BAHCC1: variants seen among roughly 807,000 people sequenced by gnomAD.
The protein encoded by BAHCC1 is BAH and coiled-coil domain-containing protein 1.
BAHCC1 carries 43 observed loss-of-function variants against 88.2 expected under a neutral mutation model. That is an observed-to-expected ratio of 0.49 (90% CI 0.38 to 0.63). The LOEUF (loss-of-function observed/expected upper bound fraction) is 0.63, where lower values mean the gene tolerates loss of function less well. Among genes scored for constraint, BAHCC1 ranks in the 20% least tolerant of loss-of-function variants. The pLI is 0.00. For missense variants in BAHCC1, 3,023 were observed against 1,654.8 expected, an observed-to-expected ratio of 1.83 and a Z score of -14.34; for synonymous variants, 1,510 against 745.5, an observed-to-expected ratio of 2.03 and a Z score of -16.71.
intron 2 of BAHCC1, among the ~76,000 whole-genome samples, chr17:81,400,119 G>A (rs1249349245): frequency 2.0e-5 from 3 of 152,014 alleles, no homozygotes; most frequent in African/African-American, 7.2e-5. Flanking sequence ...CCCTTCCCTG[G>A]CCACCCTCCC....
chr17:81,406,778 G>A (rs2063885624), intron 2 of BAHCC1: 1 of 418,976 alleles, frequency 2.4e-6, no homozygotes, highest in Admixed American at 2.6e-5. Flanking sequence ...CAGGCGCTGG[G>A]GGCAGGCGGC....
intron 3 of BAHCC1, among the ~76,000 whole-genome samples, chr17:81,429,218 C>T (rs1278665831): frequency 1.3e-5 from 2 of 152,180 alleles, no homozygotes; most frequent in East Asian, 3.9e-4. Flanking sequence ...CTGAGCCGCC[C>T]GCCTGGGCCC....
Position 81,456,418 on chromosome 17 carries a change from T to C in BAHCC1, c.4691T>C (p.Phe1564Ser), listed in dbSNP as rs1049402927. 3 of 722,160 alleles carry C rather than the reference T, an allele frequency of 4.2e-6. No individual in the cohort carries two copies. Among genetic ancestry groups the C allele is most frequent in the African/African-American group, 1.7e-5 (1 of 57,412 alleles). 44.7% of individuals were successfully genotyped at this position (722,160 alleles called of 1,614,324 possible). ...SKGLPTGLSS[F>S]QQKEATPGGR... ...GGGCTGCCCACAGGCCTCAGCTCTT[T>C]CCAGCAGAAGGAGGCTACCCCCGGG... Residue 1564 changes from phenylalanine (F) to serine (S), a missense_variant, in exon 16 of 28, where the codon TTC (phenylalanine) becomes TCC (serine). By Grantham distance (155) the Phe-to-Ser change is radical. Transcript: ENST00000675386.
rs1002521067 is a variant in BAHCC1 at position 81,457,450 on chromosome 17, G to A, written c.4899G>A (p.Gly1633=). The change falls in exon 17 of 28, where the codon GGG becomes GGA. Residue 1633 remains glycine (G), a synonymous_variant. Transcript: ENST00000675386. ...GTGAGGACTGCGAGGGTCTCCTGGG[G>A]ACAGAGGCACCACCCAGGGAAGCAG... The part of the protein sequence containing the change: ...YDSEDCEGLL[G]TEAPPREAGL... 1 of 772,528 alleles carries A rather than the reference G, an allele frequency of 1.3e-6. No individual in the cohort carries two copies. Among genetic ancestry groups the A allele is most frequent in the Non-Finnish European group, 2.4e-6 (1 of 414,916 alleles). The allele number at this position is 772,528 out of a possible 1,614,324, so 47.9% of individuals were successfully genotyped here. A position where few individuals can be genotyped will look rare whatever the true frequency, so the allele number is the denominator to read the frequency against.
chr17:81,459,107 A>G lies in BAHCC1; in HGVS notation c.5659A>G (p.Ile1887Val). ...CCTGCGGGACGGGCTGCCCGTGCTC[A>G]TCCCCAAGGAGGATAGCCTGCTGTA... is the stretch of plus-strand genomic sequence containing the variant. ...EDLRDGLPVL[I>V]PKEDSLLYAG... Residue 1887 changes from isoleucine (I) to valine (V), a missense_variant, in exon 21 of 28, where the codon ATC becomes GTC. Transcript: ENST00000675386. 1 of 772,174 alleles carries G rather than the reference A, an allele frequency of 1.3e-6. No homozygotes were observed. The highest frequency in any genetic ancestry group is 2.4e-6 in the Non-Finnish European group (1 of 414,806). The allele number at this position is 772,174 out of a possible 1,614,324, so 47.8% of individuals were successfully genotyped here. A position where few individuals can be genotyped will look rare whatever the true frequency, so the allele number is the denominator to read the frequency against.
At chr17:81,395,686 A>G (rs1268644332) in intron 1 of BAHCC1, 51 bp downstream of exon 1, 1 of 150,556 alleles carries the variant, frequency 6.6e-6, no homozygotes, top group Non-Finnish European at 1.5e-5. Flanking sequence ...TATTTTTATT[A>G]TTATTTTATT....
chr17:81,416,812 C>T (rs2064037700), intron 2 of BAHCC1, among the ~76,000 whole-genome samples: 1 of 152,224 alleles, frequency 6.6e-6, no homozygotes, highest in African/African-American at 2.4e-5. Context: ...TAGGAGCACG[C>T]TCGCAGCCTG....
intron 3 of BAHCC1, among the ~76,000 whole-genome samples, chr17:81,432,333 C>T (rs1015137076): frequency 3.9e-5 from 6 of 152,100 alleles, no homozygotes; most frequent in Admixed American, 1.3e-4. Context: ...GGTACAATGA[C>T]CTATGTGTCA....
At chr17:81,445,702 C>G (rs1192818844) in intron 10 of BAHCC1, 21 bp downstream of exon 10, 1 of 718,092 alleles carries the variant, frequency 1.4e-6, no homozygotes, top group Non-Finnish European at 2.6e-6. Flanking sequence ...CCGCCTGGCC[C>G]GGCCCACTGT....
At chr17:81,446,502 G>A (rs2064530093) in intron 10 of BAHCC1, among the ~76,000 whole-genome samples, 2 of 147,630 alleles carry the variant, frequency 1.4e-5, no homozygotes, top group South Asian at 4.4e-4. Context: ...GGGGAATGAG[G>A]GCCTGGCCTC....
rs375191474 is a variant in BAHCC1, at chr17:81,399,128, A to AGTGTGTGTGTGTGT, written c.-206-394_-206-381dup. ...GGGGAGGGGAGAGGGTGTGCGTGTG[A>AGTGTGTGTGTGTGT]GTGTGTGTGTGTGTGTGTGTGTGTG... On this transcript the variant is annotated intron_variant, in intron 1 of 27. Transcript: ENST00000675386. This position sits in a 1 kb window ranked among gnomAD's most constrained non-coding sequence, Gnocchi z 4.5. 6.5e-5 allele frequency: 15 copies of AGTGTGTGTGTGTGT among 231,874 alleles called. No individual in the cohort carries two copies. Among genetic ancestry groups the AGTGTGTGTGTGTGT allele is most frequent in the African/African-American group, 3.1e-4 (12 of 38,204 alleles). The allele number at this position is 231,874 out of a possible 1,614,324, so 14.4% of individuals were successfully genotyped here.
Position 81,399,625 on chromosome 17 carries a change from C to A in BAHCC1, c.-115C>A. ...GCGTGCTGACCGGCCCCGCCGCCAC[C>A]ACCGCCTGTGACCCCGGACGCCGCC... On this transcript the variant is annotated 5_prime_UTR_variant, in exon 2 of 28. Coordinates refer to ENST00000675386, the MANE Select transcript of BAHCC1 (RefSeq NM_001377448.1). This position sits in a 1 kb window ranked among gnomAD's most constrained non-coding sequence, Gnocchi z 4.5. 3 of 691,934 alleles carry A rather than the reference C, an allele frequency of 4.3e-6. No individual in the cohort carries two copies. Among genetic ancestry groups the A allele is most frequent in the Non-Finnish European group, 5.9e-6 (3 of 505,296 alleles). 42.9% of individuals were successfully genotyped at this position (691,934 alleles called of 1,614,324 possible).
chr17:81,432,050 G>A (rs1470652759), intron 3 of BAHCC1, among the ~76,000 whole-genome samples: 23 of 152,138 alleles, frequency 1.5e-4, no homozygotes, highest in African/African-American at 4.8e-4. Flanking sequence ...TCTTAGCTTC[G>A]AGTTCATATG....
chr17:81,408,974 G>T (rs777877294), intron 2 of BAHCC1, among the ~76,000 whole-genome samples: 3 of 152,250 alleles, frequency 2.0e-5, no homozygotes, highest in Non-Finnish European at 4.4e-5. Context: ...ACAGGCACGC[G>T]TGTGTGGGTG....
At chr17:81,422,658 G>A (rs1217535587) in intron 2 of BAHCC1, among the ~76,000 whole-genome samples, 1 of 152,202 alleles carries the variant, frequency 6.6e-6, no homozygotes, top group Non-Finnish European at 1.5e-5. Flanking sequence ...CCCACTGAGG[G>A]CCCCGTGGGA....
At chr17:81,413,810 CCTT>C (rs1441387260) in intron 2 of BAHCC1, among the ~76,000 whole-genome samples, 7 of 152,362 alleles carry the variant, frequency 4.6e-5, no homozygotes, top group Admixed American at 3.9e-4. Context: ...GTTAAGGTGT[CCTT>C]CTCTGGATGG....
At chr17:81,454,086 C>T (rs2064698881) in intron 14 of BAHCC1, among the ~76,000 whole-genome samples, 1 of 152,228 alleles carries the variant, frequency 6.6e-6, no homozygotes. Context: ...CACCTGTGGG[C>T]AGGTGGGGGT....
intron 2 of BAHCC1, among the ~76,000 whole-genome samples, chr17:81,418,742 C>T (rs1568003115): frequency 6.7e-6 from 1 of 150,150 alleles, no homozygotes; most frequent in African/African-American, 2.5e-5. Context: ...AAGGTGCGCA[C>T]ACCCACAGAC....
intron 2 of BAHCC1, among the ~76,000 whole-genome samples, chr17:81,404,987 G>T (rs2063861520): frequency 6.6e-6 from 1 of 152,196 alleles, no homozygotes; most frequent in East Asian, 1.9e-4. Context: ...AGAACTACTT[G>T]ACCAGAAAAG....
Sources: allele counts gnomAD v4.1 joint callset (sites outside exome capture counted in the v4.1 genomes callset), GRCh38; gene constraint gnomAD v4.1.1; non-coding constraint Gnocchi (gnomAD v3.1); transcripts MANE v1.5; gene names NCBI Gene and HGNC (gene_info 2026-07-23, HGNC 2026-07-21).